The following PDE4D variants were observed in gnomAD, a reference collection of about 807,000 sequenced individuals.
The protein encoded by PDE4D is phosphodiesterase 4D.
In PDE4D, 24 loss-of-function variants were observed where a neutral mutation model predicts 87.4. That is an observed-to-expected ratio of 0.27 (90% CI 0.20 to 0.39). The LOEUF is 0.39. Among genes scored for constraint, PDE4D ranks in the 10% least tolerant of loss-of-function variants. The probability of loss-of-function intolerance (pLI) is 1.00; values close to 1 mark genes in which losing one functional copy is unlikely to be tolerated. For synonymous variants in PDE4D, 384 were observed against 383.2 expected, an observed-to-expected ratio of 1.00 and a Z score of -0.02; for missense variants, 714 against 1,041.0, an observed-to-expected ratio of 0.69 and a Z score of 4.32.
chr5:60,163,978 A>T (rs571347651), intron 2 of PDE4D, among the ~76,000 whole-genome samples: 2 of 152,290 alleles, frequency 1.3e-5, no homozygotes, highest in South Asian at 4.1e-4. Flanking sequence ...GTAAATGCTG[A>T]TCTATCTGTC....
At chr5:60,347,207 G>C (rs1758811603) in intron 1 of PDE4D, among the ~76,000 whole-genome samples, 2 of 152,066 alleles carry the variant, frequency 1.3e-5, no homozygotes, top group Non-Finnish European at 2.9e-5. Flanking sequence ...AGTGTGTCCA[G>C]GACATGGGCA....
intron 2 of PDE4D, among the ~76,000 whole-genome samples, chr5:60,124,443 T>C (rs531423489): frequency 4.8e-5 from 7 of 144,330 alleles, no homozygotes; most frequent in Non-Finnish European, 1.1e-4. Flanking sequence ...CACACTCAGT[T>C]GATAGCCTAT....
intron 3 of PDE4D, among the ~76,000 whole-genome samples, chr5:59,905,566 A>G (rs1752724858): frequency 6.6e-6 from 1 of 152,088 alleles, no homozygotes; most frequent in Non-Finnish European, 1.5e-5. Context: ...GACTTTCTAG[A>G]TGTGTAACCA....
intron 3 of PDE4D, among the ~76,000 whole-genome samples, chr5:59,927,027 G>A (rs1049835149): frequency 2.0e-5 from 3 of 152,086 alleles, no homozygotes; most frequent in African/African-American, 7.2e-5. Context: ...ATGAGGTATG[G>A]GAGCATGGAA....
intron 5 of PDE4D, among the ~76,000 whole-genome samples, chr5:59,084,138 A>T (rs1218036497): frequency 6.6e-6 from 1 of 152,080 alleles, no homozygotes; most frequent in South Asian, 2.1e-4. Flanking sequence ...TAATTATAAC[A>T]TGGGGCTTTT....
At chr5:59,739,910 CATAAAT>C in intron 1 of PDE4D, among the ~76,000 whole-genome samples, 1 of 152,244 alleles carries the variant, frequency 6.6e-6, no homozygotes, top group Non-Finnish European at 1.5e-5. Context: ...TATGAAATAA[CATAAAT>C]ATAAATCTCA....
chr5:60,114,882 G>A (rs1469746022), intron 2 of PDE4D, among the ~76,000 whole-genome samples: 1 of 150,340 alleles, frequency 6.7e-6, no homozygotes, highest in Non-Finnish European at 1.5e-5. Context: ...ATGTATGTGT[G>A]TGTATATATA....
chr5:59,344,458 A>G (rs1230836551), intron 1 of PDE4D, among the ~76,000 whole-genome samples: 1 of 151,904 alleles, frequency 6.6e-6, no homozygotes, highest in Non-Finnish European at 1.5e-5. Flanking sequence ...GCTGGAGTAC[A>G]CTCCTGTGAT....
intron 3 of PDE4D, among the ~76,000 whole-genome samples, chr5:59,955,203 G>C (rs1014482066): frequency 3.9e-5 from 6 of 152,132 alleles, no homozygotes; most frequent in African/African-American, 1.4e-4. Context: ...GGGACTGGGA[G>C]TTTCATCTTA....
intron 1 of PDE4D, among the ~76,000 whole-genome samples, chr5:59,737,592 T>A (rs1405016119): frequency 6.6e-6 from 1 of 152,144 alleles, no homozygotes; most frequent in Non-Finnish European, 1.5e-5. Flanking sequence ...AATATTTCAT[T>A]AATCTTAAAT....
chr5:60,304,671 A>AG (rs1562305798), intron 1 of PDE4D, among the ~76,000 whole-genome samples: 1 of 150,190 alleles, frequency 6.7e-6, no homozygotes, highest in Non-Finnish European at 1.5e-5. Flanking sequence ...AAAAAAAAAA[A>AG]AAAGAAATGG....
At chr5:59,302,182 A>G (rs1770395223) in intron 1 of PDE4D, among the ~76,000 whole-genome samples, 1 of 152,158 alleles carries the variant, frequency 6.6e-6, no homozygotes, top group South Asian at 2.1e-4. Flanking sequence ...GTTACTGCGC[A>G]TGCAAGGATT....
At chr5:59,446,894 G>C (rs1230140193) in intron 1 of PDE4D, among the ~76,000 whole-genome samples, 1 of 152,182 alleles carries the variant, frequency 6.6e-6, no homozygotes, top group African/African-American at 2.4e-5. Context: ...TAGACTTTTT[G>C]GTTGTGCAGA....
intron 6 of PDE4D, among the ~76,000 whole-genome samples, chr5:59,011,078 T>A (rs1397093270): frequency 6.6e-6 from 1 of 151,894 alleles, no homozygotes; most frequent in Non-Finnish European, 1.5e-5. Flanking sequence ...CAGCTGAGGG[T>A]CCTGACTGTT....
Position 59,922,421 on chromosome 5 carries a change from A to G in PDE4D, c.272+66067T>C, listed in dbSNP as rs73761051. 5.2e-3 allele frequency among the ~76,000 whole-genome samples: 792 copies of G among 152,224 alleles called. 3 individuals are homozygous for G. Among genetic ancestry groups the G allele is most frequent in the African/African-American group, 0.018 (762 of 41,534 alleles). Reference sequence around the variant, plus strand: ...CCCCACCCCCAACCCTAGGCAGAGCAGCTTGCAGCTGCAGGTGAGACTCCT... The same window carrying G: ...CCCCACCCCCAACCCTAGGCAGAGCGGCTTGCAGCTGCAGGTGAGACTCCT... On this transcript the variant is annotated intron_variant, in intron 3 of 16. Coordinates refer to the PDE4D transcript ENST00000502484.
At chr5:60,027,042 C>T (rs1253364469) in intron 2 of PDE4D, among the ~76,000 whole-genome samples, 1 of 152,132 alleles carries the variant, frequency 6.6e-6, no homozygotes, top group African/African-American at 2.4e-5. Context: ...CATACCCTCT[C>T]ATTCCCCCGC....
At chr5:59,276,139 A>AG (rs1764771361) in intron 1 of PDE4D, 27 of 982,644 alleles carry the variant, frequency 2.7e-5, no homozygotes, top group Middle Eastern at 5.2e-4. Context: ...AAAAAAAAAA[A>AG]AAAAGAAAAG....
chr5:60,109,003 G>T (rs183087258), intron 2 of PDE4D, among the ~76,000 whole-genome samples: 1 of 152,294 alleles, frequency 6.6e-6, no homozygotes, highest in African/African-American at 2.4e-5. Context: ...AGCCAAAATT[G>T]ACAAATAGGA....
intron 5 of PDE4D, among the ~76,000 whole-genome samples, chr5:59,064,268 A>G (rs752948021): frequency 2.6e-5 from 4 of 152,072 alleles, no homozygotes; most frequent in Non-Finnish European, 5.9e-5. Context: ...AACTTTGCTA[A>G]AATACACTGG....
Sources: gnomAD v4.1 joint callset for allele counts (sites outside exome capture counted in the v4.1 genomes callset) on GRCh38, gnomAD v4.1.1 for gene constraint, MANE v1.5 for transcripts, NCBI Gene and HGNC (gene_info 2026-07-23, HGNC 2026-07-21) for gene names.